The following KLHL6 variants were observed in gnomAD, a reference collection of about 807,000 sequenced individuals.
KLHL6 encodes the protein kelch-like protein 6.
A neutral mutation model predicts 58.6 loss-of-function variants in KLHL6; 41 were observed. The ratio of observed to expected loss-of-function variants is 0.70; its 90% CI spans 0.55 to 0.91. The LOEUF (loss-of-function observed/expected upper bound fraction) is 0.91. Among genes scored for constraint, KLHL6 ranks in the 40% least tolerant of loss-of-function variants. The pLI is 0.00. For missense variants in KLHL6, 714 were observed against 805.6 expected (o/e 0.89, Z 1.38); for synonymous variants, 338 against 322.7 (o/e 1.05, Z -0.51).
chr3:183,492,250 G>A lies in KLHL6; in HGVS notation c.1565-22C>T, dbSNP rs1329644841. The A allele has an allele frequency of 1.9e-6, 3 of 1,555,682 alleles. No individual in the cohort carries two copies. In the South Asian group the frequency reaches 3.6e-5, roughly 19 times the overall value. On this transcript the variant is annotated intron_variant, in intron 6 of 6. Transcript: ENST00000341319. This position sits in a 1 kb window ranked among gnomAD's most constrained non-coding sequence, Gnocchi z 5.9. Reference sequence around the variant, plus strand: ...CCACCTGAGGAGAGGGAGGAAACACGGTGGGCATCGCTCCATTTTTCTGGT... The same window carrying A: ...CCACCTGAGGAGAGGGAGGAAACACAGTGGGCATCGCTCCATTTTTCTGGT...
chr3:183,512,585 G>A (rs542521250), intron 2 of KLHL6, among the ~76,000 whole-genome samples: 2 of 151,596 alleles, frequency 1.3e-5, no homozygotes, highest in African/African-American at 4.9e-5. Context: ...TCCGCCTCCC[G>A]GGTTCAAGAG....
intron 3 of KLHL6, among the ~76,000 whole-genome samples, chr3:183,507,805 G>T (rs1718051860): frequency 1.3e-5 from 2 of 152,146 alleles, no homozygotes; most frequent in Non-Finnish European, 2.9e-5. Context: ...GGAAGAGGAA[G>T]CACGGGCCAG....
chr3:183,533,471 CT>C (rs936956577), intron 1 of KLHL6, among the ~76,000 whole-genome samples: 86 of 151,594 alleles, frequency 5.7e-4, no homozygotes, highest in African/African-American at 1.9e-3. Flanking sequence ...AGGTCCCACT[CT>C]GTTGCCCAGG....
intron 1 of KLHL6, among the ~76,000 whole-genome samples, 155 bp from the exon 2 acceptor site, chr3:183,528,165 G>A (rs893675500): frequency 1.3e-5 from 2 of 152,014 alleles, no homozygotes; most frequent in African/African-American, 2.4e-5. Context: ...CACCCCCTAC[G>A]CATTAGACAT....
rs116502573 is a variant in KLHL6, at chr3:183,547,933, A to G, written c.293+7428T>C. Among the ~76,000 whole-genome samples, 414 of 152,306 alleles carry G rather than the reference A, an allele frequency of 2.7e-3. 3 individuals are homozygous for G. The highest frequency in any genetic ancestry group is 4.0e-3 in the Non-Finnish European group (273 of 68,028). The stretch of plus-strand genomic sequence containing the variant: ...CTCCCCAAGACTCTTTTGCTAGTGT[A>G]GGCTACATAAGCTGAAAATGAGGAG... On this transcript the variant is annotated intron_variant, in intron 1 of 6. Coordinates refer to ENST00000341319, the MANE Select transcript of KLHL6 (RefSeq NM_130446.4).
intron 2 of KLHL6, among the ~76,000 whole-genome samples, chr3:183,513,528 A>T (rs1296737126): frequency 6.6e-6 from 1 of 152,200 alleles, no homozygotes; most frequent in Non-Finnish European, 1.5e-5. Flanking sequence ...CTAGCCAACA[A>T]GATGCCGGTT....
At chr3:183,506,113 T>G (rs1307366544) in intron 3 of KLHL6, among the ~76,000 whole-genome samples, 3 of 152,234 alleles carry the variant, frequency 2.0e-5, no homozygotes, top group Non-Finnish European at 4.4e-5. Context: ...GAAGAAAGCC[T>G]GGTAGCTAAT....
chr3:183,553,685 G>C (rs1237471425), intron 1 of KLHL6, among the ~76,000 whole-genome samples: 1 of 152,206 alleles, frequency 6.6e-6, no homozygotes, highest in Non-Finnish European at 1.5e-5. Flanking sequence ...CCTAGTGGCA[G>C]CTTGCATTGC....
At chr3:183,554,088 A>C (rs189794765) in intron 1 of KLHL6, among the ~76,000 whole-genome samples, 3 of 152,328 alleles carry the variant, frequency 2.0e-5, no homozygotes, top group Admixed American at 6.5e-5. Context: ...CATTAAGAAG[A>C]ATTCTAAGGG....
At chr3:183,502,425 C>T (rs180956229) in intron 3 of KLHL6, among the ~76,000 whole-genome samples, 77 of 152,244 alleles carry the variant, frequency 5.1e-4, no homozygotes, top group African/African-American at 1.3e-3. Context: ...CTGGTATTCA[C>T]ATCTGTGTAG....
intron 1 of KLHL6, among the ~76,000 whole-genome samples, chr3:183,533,453 T>G (rs958300331): frequency 6.6e-6 from 1 of 151,670 alleles, no homozygotes; most frequent in East Asian, 1.9e-4. Flanking sequence ...TTAATTTTTG[T>G]AGAGACAAGG....
chr3:183,534,539 G>A (rs865886113), intron 1 of KLHL6, among the ~76,000 whole-genome samples: 3 of 151,954 alleles, frequency 2.0e-5, no homozygotes, highest in Non-Finnish European at 2.9e-5. Context: ...AAGTGGCTCG[G>A]ACTAGAGGCA....
intron 2 of KLHL6, among the ~76,000 whole-genome samples, chr3:183,519,213 T>C (rs1193337955): frequency 6.6e-6 from 1 of 152,112 alleles, no homozygotes; most frequent in Non-Finnish European, 1.5e-5. Flanking sequence ...GGCACAGATG[T>C]AGCTGAGAGG....
intron 3 of KLHL6, among the ~76,000 whole-genome samples, chr3:183,501,943 C>T (rs1717876377): frequency 6.6e-6 from 1 of 152,146 alleles, no homozygotes. Flanking sequence ...CCAGTGGATC[C>T]TCAGCACCAA....
At chr3:183,551,176 G>A (rs983043104) in intron 1 of KLHL6, among the ~76,000 whole-genome samples, 1 of 151,936 alleles carries the variant, frequency 6.6e-6, no homozygotes, top group Non-Finnish European at 1.5e-5. Context: ...GGAAGTTATT[G>A]GAGAATGTGC....
At chr3:183,515,376 C>T (rs1392326403) in intron 2 of KLHL6, among the ~76,000 whole-genome samples, 3 of 151,996 alleles carry the variant, frequency 2.0e-5, no homozygotes, top group Non-Finnish European at 4.4e-5. Context: ...AGTGAGACCT[C>T]GTCTTTACAA....
chr3:183,543,933 G>A (rs1473299079), intron 1 of KLHL6, among the ~76,000 whole-genome samples: 1 of 152,186 alleles, frequency 6.6e-6, no homozygotes, highest in African/African-American at 2.4e-5. Context: ...GGAGGCCGAG[G>A]CAGGCGGATC....
intron 2 of KLHL6, chr3:183,521,438 C>T (rs529836871): frequency 6.6e-6 from 1 of 152,372 alleles, no homozygotes; most frequent in East Asian, 1.9e-4. Flanking sequence ...GTTCTCAGAA[C>T]ATTGCACTGG....
rs549272861 is a variant in KLHL6 at position 183,499,479 on chromosome 3, C to T, written c.1147+111G>A. The T allele has an allele frequency of 1.1e-5, 8 of 709,948 alleles. No homozygotes were observed. The highest frequency in any genetic ancestry group is 1.8e-5 in the African/African-American group (1 of 56,230). 44.0% of individuals were successfully genotyped at this position (709,948 alleles called of 1,614,324 possible). On this transcript the variant is annotated intron_variant, in intron 4 of 6. Transcript: ENST00000341319. This position sits in a 1 kb window ranked among gnomAD's most constrained non-coding sequence, Gnocchi z 4.6. Reference sequence around the variant, plus strand: ...GTCCATATCCTGTCTCAGTCAGAGCCGGATCATTGCCAATTCACAGTAATT... The same window carrying T: ...GTCCATATCCTGTCTCAGTCAGAGCTGGATCATTGCCAATTCACAGTAATT...
Sources: allele counts gnomAD v4.1 joint callset (sites outside exome capture counted in the v4.1 genomes callset), GRCh38; gene constraint gnomAD v4.1.1; non-coding constraint Gnocchi (gnomAD v3.1); transcripts MANE v1.5; gene names NCBI Gene and HGNC (gene_info 2026-07-23, HGNC 2026-07-21).